The following DIPK1A variants were observed in gnomAD, a reference collection of about 807,000 sequenced individuals.
The protein encoded by DIPK1A is family with sequence similarity 69 member A.
DIPK1A carries 27 observed loss-of-function variants against 40.8 expected under a neutral mutation model. That is an observed-to-expected ratio of 0.66 (90% CI 0.49 to 0.91). DIPK1A has a LOEUF of 0.91. Ranked by LOEUF, DIPK1A falls within the 40% of genes least tolerant of loss-of-function variation. The pLI is 0.00. For synonymous variants in DIPK1A, 166 were observed against 171.3 expected (o/e 0.97, Z 0.24); for missense variants, 412 against 505.7 (o/e 0.81, Z 1.78).
chr1:92,834,687 A>AT (rs1343664913), intron 4 of DIPK1A: 1 of 1,529,640 alleles, frequency 6.5e-7, no homozygotes, highest in Admixed American at 1.7e-5. Context: ...ATCTGTGTCC[A>AT]TCAATGTTTT....
chr1:92,869,502 A>C (rs543877169), intron 2 of DIPK1A, among the ~76,000 whole-genome samples: 1 of 152,316 alleles, frequency 6.6e-6, no homozygotes, highest in Admixed American at 6.5e-5. Context: ...TAAAGGAAAG[A>C]TTTTGCCAAC....
chr1:92,934,427 A>T (rs1407428166), intron 1 of DIPK1A, among the ~76,000 whole-genome samples: 2 of 152,212 alleles, frequency 1.3e-5, no homozygotes, highest in East Asian at 3.8e-4. Flanking sequence ...ATTTTCCATA[A>T]AAGTTTTTTT....
downstream of DIPK1A, among the ~76,000 whole-genome samples, chr1:92,838,525 T>C (rs991305235): frequency 2.0e-5 from 3 of 152,230 alleles, no homozygotes; most frequent in African/African-American, 7.2e-5. Context: ...TGCTTTCCTG[T>C]ATATGTGCCT....
intron 1 of DIPK1A, among the ~76,000 whole-genome samples, chr1:92,945,101 A>C (rs1216550705): frequency 6.6e-6 from 1 of 152,112 alleles, no homozygotes; most frequent in African/African-American, 2.4e-5. Context: ...CCAGTTGTGT[A>C]GTAGGCCTAG....
chr1:92,949,752 A>G (rs1162923928), intron 1 of DIPK1A, among the ~76,000 whole-genome samples: 1 of 152,250 alleles, frequency 6.6e-6, no homozygotes, highest in African/African-American at 2.4e-5. Context: ...ATGAAGTGGA[A>G]GGAGAAACAT....
At chr1:92,834,880 A>G (rs1571026930) in intron 4 of DIPK1A, 5 of 1,603,804 alleles carry the variant, frequency 3.1e-6, no homozygotes, top group East Asian at 2.2e-5. Context: ...ATTATGCTGC[A>G]GCATATTGTA....
chr1:92,870,518 G>A (rs1481093992), intron 2 of DIPK1A, among the ~76,000 whole-genome samples: 2 of 152,144 alleles, frequency 1.3e-5, no homozygotes, highest in Non-Finnish European at 2.9e-5. Context: ...GAGCCACTGC[G>A]CCCAGCCTGG....
At chr1:92,914,366 C>G (rs573862556) in intron 1 of DIPK1A, among the ~76,000 whole-genome samples, 2 of 151,980 alleles carry the variant, frequency 1.3e-5, no homozygotes, top group East Asian at 1.9e-4. Context: ...TTCTTTTATA[C>G]GAGCTTCCCC....
intron 1 of DIPK1A, among the ~76,000 whole-genome samples, chr1:92,902,661 A>T (rs1254247875): frequency 1.3e-5 from 2 of 152,016 alleles, no homozygotes; most frequent in Non-Finnish European, 2.9e-5. Flanking sequence ...GGTTGCTAAG[A>T]TCTTCTTGCT....
downstream of DIPK1A, chr1:92,840,502 T>G: frequency 7.5e-7 from 1 of 1,326,690 alleles, no homozygotes; most frequent in Non-Finnish European, 1.1e-6. Flanking sequence ...ATTAATATAG[T>G]AGGGCACATG....
intron 2 of DIPK1A, among the ~76,000 whole-genome samples, chr1:92,869,068 AC>A (rs1647706306): frequency 6.6e-6 from 1 of 151,816 alleles, no homozygotes; most frequent in Admixed American, 6.6e-5. Context: ...TATTTAACTG[AC>A]TGATAGATAC....
chr1:92,860,646 A>AAAAAAAAAAGCCAGGTG (rs148916481), intron 2 of DIPK1A, among the ~76,000 whole-genome samples: 11 of 105,208 alleles, frequency 1.0e-4, no homozygotes, highest in African/African-American at 3.0e-4. Flanking sequence ...AAAAAAAAAA[A>AAAAAAAAAAGCCAGGTG]TGGTGGTGTG....
At position 92,868,030 on chromosome 1, in the gene DIPK1A, C is replaced by CA. The variant is rs561488388; in HGVS notation, c.189+8265dup. Among the ~76,000 whole-genome samples the CA allele has an allele frequency of 1.2e-4, 18 of 152,300 alleles. No homozygotes were observed. The East Asian group carries it at 1.5e-3, about 13-fold the overall frequency. On this transcript the variant is annotated intron_variant, in intron 2 of 4. Transcript: ENST00000370310. ...CCTTCTCTATGTTCAACGGATATGT[C>CA]AGAGCATCAATCAGTGTTAGATTAT...
At chr1:92,832,831 C>T (rs923725162) in exon 5 of DIPK1A, 3 of 598,228 alleles carry the variant, frequency 5.0e-6, no homozygotes, top group Admixed American at 2.9e-5. Flanking sequence ...GCTGAATGTG[C>T]TCTTGCCCAG....
Position 92,892,721 on chromosome 1 carries a change from C to T in DIPK1A, c.55-16291G>A, listed in dbSNP as rs542839810. On this transcript the variant is annotated intron_variant, in intron 1 of 4. Transcript: ENST00000370310. ...CTACTCCGAGCTAAAGGAGGAAGTTCGAACCCATGGCAAAGAAGTTAAAAA... is the reference window on the plus strand; with the variant it reads ...CTACTCCGAGCTAAAGGAGGAAGTTTGAACCCATGGCAAAGAAGTTAAAAA... Among the ~76,000 whole-genome samples the T allele has an allele frequency of 4.0e-3, 605 of 152,088 alleles. 7 individuals carry two copies. The highest frequency in any genetic ancestry group is 0.014 in the African/African-American group (583 of 41,416).
intron 2 of DIPK1A, among the ~76,000 whole-genome samples, chr1:92,867,859 A>G (rs1206016248): frequency 6.6e-6 from 1 of 152,170 alleles, no homozygotes; most frequent in Non-Finnish European, 1.5e-5. Flanking sequence ...CTCCTAAGCA[A>G]TGATTTCAGC....
chr1:92,845,508 G>GAA (rs552078855), intron 4 of DIPK1A: 1,271 of 199,726 alleles, frequency 6.4e-3, no homozygotes, highest in South Asian at 9.6e-3. Flanking sequence ...GTCTATGCTA[G>GAA]AAAAAAAAAA....
chr1:92,849,037 C>T (rs1687722304), intron 3 of DIPK1A, among the ~76,000 whole-genome samples: 1 of 151,990 alleles, frequency 6.6e-6, no homozygotes, highest in South Asian at 2.1e-4. Context: ...TCATTATGTT[C>T]ATCAGCTGTT....
At position 92,880,650 on chromosome 1, in the gene DIPK1A, T is replaced by C. The variant is rs535791566; in HGVS notation, c.55-4220A>G. Among the ~76,000 whole-genome samples, 15 of 151,720 alleles carry C rather than the reference T, an allele frequency of 9.9e-5. No individual in the cohort carries two copies. In the East Asian group the frequency reaches 2.9e-3, roughly 29 times the overall value. On this transcript the variant is annotated intron_variant, in intron 1 of 4. Coordinates refer to ENST00000370310, the MANE Select transcript of DIPK1A (RefSeq NM_001006605.5). ...TTGGGAGGCTGAGGTGGGAGGATCA[T>C]GGAGCCAAAGGATAGAGCCCATCCT...
Sources: gnomAD v4.1 joint callset for allele counts (sites outside exome capture counted in the v4.1 genomes callset) on GRCh38, gnomAD v4.1.1 for gene constraint, MANE v1.5 for transcripts, NCBI Gene and HGNC (gene_info 2026-07-23, HGNC 2026-07-21) for gene names.